CEACAM1: variants seen among roughly 807,000 people sequenced by gnomAD.
The protein encoded by CEACAM1 is cell adhesion molecule CEACAM1.
In CEACAM1, 31 loss-of-function variants were observed where a neutral mutation model predicts 49.1. The ratio of observed to expected loss-of-function variants is 0.63; its 90% CI spans 0.47 to 0.85. The LOEUF (loss-of-function observed/expected upper bound fraction) is 0.85. Among genes scored for constraint, CEACAM1 ranks in the 40% least tolerant of loss-of-function variants. The pLI is 0.00. For missense variants in CEACAM1, 570 were observed against 645.3 expected, an observed-to-expected ratio of 0.88 and a Z score of 1.26; for synonymous variants, 244 against 247.8, an observed-to-expected ratio of 0.98 and a Z score of 0.14.
At chr19:42,518,352 G>A (rs1253467820) in intron 5 of CEACAM1, among the ~76,000 whole-genome samples, 3 of 151,930 alleles carry the variant, frequency 2.0e-5, no homozygotes, top group South Asian at 2.1e-4. Flanking sequence ...GGATTGAGGC[G>A]GGAGTGAGCT....
chr19:42,523,552 C>T (rs1302064989), intron 2 of CEACAM1, among the ~76,000 whole-genome samples: 5 of 152,220 alleles, frequency 3.3e-5, no homozygotes, highest in Admixed American at 1.3e-4. Context: ...CTGAAAAGAG[C>T]AGATGATGAC....
At chr19:42,519,811 C>T (rs2041698706) in intron 4 of CEACAM1, among the ~76,000 whole-genome samples, 1 of 152,142 alleles carries the variant, frequency 6.6e-6, no homozygotes, top group African/African-American at 2.4e-5. Context: ...CCTCATGATC[C>T]ACCCGCCTCA....
chr19:42,523,474 CA>C (rs1195790640), intron 2 of CEACAM1, among the ~76,000 whole-genome samples: 1 of 152,208 alleles, frequency 6.6e-6, no homozygotes, highest in Admixed American at 6.5e-5. Flanking sequence ...GGGTGACAGG[CA>C]GGGGCTGCCT....
chr19:42,509,849 A>T (rs2041413327), intron 8 of CEACAM1, among the ~76,000 whole-genome samples: 1 of 151,832 alleles, frequency 6.6e-6, no homozygotes, highest in Non-Finnish European at 1.5e-5. Context: ...CTGGTTTAGA[A>T]CTCCTGACTT....
intron 2 of CEACAM1, among the ~76,000 whole-genome samples, chr19:42,525,180 A>G (rs2147807062): frequency 6.6e-6 from 1 of 151,362 alleles, no homozygotes; most frequent in East Asian, 1.9e-4. Flanking sequence ...CAGGATTTCA[A>G]GTCCAGGGAG....
chr19:42,521,868 T>C lies in CEACAM1; in HGVS notation c.703+56A>G, dbSNP rs1418224354. 13 of 1,613,210 alleles carry C rather than the reference T, an allele frequency of 8.1e-6. No homozygotes were observed. In the Admixed American group the frequency reaches 2.2e-4, roughly 27 times the overall value. ...GAGAGGGACTGAGAGGCCTGGCCTC[T>C]GGCTGCGTGGATTTGGGCTGGCAGC... is the stretch of plus-strand genomic sequence containing the variant. On this transcript the variant is annotated intron_variant, in intron 3 of 8. Transcript: ENST00000161559.
At chr19:42,516,858 C>T (rs567795360) in intron 5 of CEACAM1, 40 of 420,186 alleles carry the variant, frequency 9.5e-5, no homozygotes, top group African/African-American at 6.7e-4. Flanking sequence ...CATGGTGAAA[C>T]GCCATCTCTA....
In CEACAM1 at chr19:42,509,248, A is replaced by G. The variant is rs374751131; in HGVS notation, c.1462-20T>C. 31 of 1,593,824 alleles carry G rather than the reference A, an allele frequency of 1.9e-5. No homozygotes were observed. The highest frequency in any genetic ancestry group is 1.7e-4 in the Middle Eastern group (1 of 5,972). Reference sequence around the variant, plus strand: ...ATTCATCTGAAAAGCACAAATAATGATCAGTTAAGTCAGTGACACAGGGCA... The same window carrying G: ...ATTCATCTGAAAAGCACAAATAATGGTCAGTTAAGTCAGTGACACAGGGCA... On this transcript the variant is annotated intron_variant, in intron 8 of 8. Transcript: ENST00000161559.
chr19:42,517,570 G>T (rs189353249), intron 5 of CEACAM1, among the ~76,000 whole-genome samples: 2 of 152,182 alleles, frequency 1.3e-5, no homozygotes, highest in African/African-American at 4.8e-5. Context: ...CACATGAAAA[G>T]ATGCTAAATA....
In CEACAM1 at chr19:42,528,475, C is replaced by T. The variant is rs759765522; in HGVS notation, c.-101G>A. The T allele has an allele frequency of 8.7e-7, 1 of 1,148,000 alleles. No homozygotes were observed. The highest frequency in any genetic ancestry group is 1.3e-6 in the Non-Finnish European group (1 of 775,444). 71.1% of individuals were successfully genotyped at this position (1,148,000 alleles called of 1,614,324 possible). ...TGTCACCTCTGCTGTTTTCCACTCT[C>T]TGTGCTGAGCCTCCTCCCTGGGGCC... On this transcript the variant is annotated 5_prime_UTR_variant, in exon 1 of 9. Coordinates refer to ENST00000161559, the MANE Select transcript of CEACAM1 (RefSeq NM_001712.5).
At chr19:42,527,997 T>G (rs1437891419) in intron 1 of CEACAM1, among the ~76,000 whole-genome samples, 2 of 152,228 alleles carry the variant, frequency 1.3e-5, no homozygotes, top group African/African-American at 4.8e-5. Flanking sequence ...AGGGCTCTGT[T>G]TAATGCCCCT....
intron 8 of CEACAM1, 44 bp downstream of exon 8, chr19:42,510,845 C>A (rs751232014): frequency 1.9e-6 from 3 of 1,553,246 alleles, no homozygotes; most frequent in Admixed American, 1.7e-5. Context: ...TACACAGAAT[C>A]ATTTCCATGA....
In CEACAM1 at chr19:42,519,023, C is replaced by T. The variant is rs1166292796; in HGVS notation, c.1171G>A (p.Ala391Thr). The change falls in exon 5 of 9, where the codon GCT (alanine) becomes ACT (threonine). Residue 391 changes from alanine to threonine, a missense_variant. Ala to Thr is a moderately conservative substitution (Grantham distance 58, BLOSUM62 0). Coordinates refer to ENST00000161559, the MANE Select transcript of CEACAM1 (RefSeq NM_001712.5). The stretch of plus-strand genomic sequence containing the variant: ...AAGACCTCACACCAATACGTCCCAG[C>T]ATCCTCCCTCTTGACAGGGTTTATG... Reference protein sequence around the residue: ...LSINPVKREDAGTYWCEVFNP... With the variant: ...LSINPVKREDTGTYWCEVFNP... 4 of 1,614,076 alleles carry T rather than the reference C, an allele frequency of 2.5e-6. No homozygotes were observed. The highest frequency in any genetic ancestry group is 1.6e-4 in the Middle Eastern group (1 of 6,082).
At chr19:42,511,840 T>C (rs2041463752) in intron 6 of CEACAM1, among the ~76,000 whole-genome samples, 1 of 152,228 alleles carries the variant, frequency 6.6e-6, no homozygotes. Context: ...ATTTCATTCT[T>C]TATCAGCTGC....
intron 6 of CEACAM1, 55 bp from the exon 7 acceptor site, chr19:42,511,683 C>T (rs948297964): frequency 2.2e-5 from 35 of 1,560,682 alleles, no homozygotes; most frequent in African/African-American, 2.2e-4. Context: ...ATCTTTGTTC[C>T]GTAAGTTAGG....
Position 42,508,828 on chromosome 19 carries a change from G to A in CEACAM1, c.*281C>T, listed in dbSNP as rs2041386656. The A allele has an allele frequency of 2.6e-6, 1 of 382,804 alleles. No homozygotes were observed. Among genetic ancestry groups the A allele is most frequent in the Non-Finnish European group, 4.8e-6 (1 of 207,304 alleles). 23.7% of individuals were successfully genotyped at this position (382,804 alleles called of 1,614,324 possible). A position where few individuals can be genotyped will look rare whatever the true frequency, so the allele number is the denominator to read the frequency against. On this transcript the variant is annotated 3_prime_UTR_variant, in exon 9 of 9. Transcript: ENST00000161559. ...AAACAAGTCCAGGTTGGGAAAAGGGGAAGGGAGGGGAAGTTCTGGTCCCTC... is the reference window on the plus strand; with the variant it reads ...AAACAAGTCCAGGTTGGGAAAAGGGAAAGGGAGGGGAAGTTCTGGTCCCTC...
At chr19:42,514,421 A>G (rs1370672674) in intron 5 of CEACAM1, among the ~76,000 whole-genome samples, 2 of 152,014 alleles carry the variant, frequency 1.3e-5, no homozygotes, top group East Asian at 3.9e-4. Context: ...GTGAGCCACC[A>G]CGCCCACCCA....
rs1733576351 is a variant in CEACAM1 at position 42,528,346 on chromosome 19, C to G, written c.29G>C (p.Arg10Thr). Residue 10 changes from arginine to threonine, a missense_variant, in exon 1 of 9, where the codon AGA (arginine) becomes ACA (threonine). By Grantham distance (71) the Arg-to-Thr change is moderately conservative. Transcript: ENST00000161559. MGHLSAPLH[R>T]VRVPWQGLLL... The stretch of plus-strand genomic sequence containing the variant: ...AAGCCCCTGCCAGGGTACACGCACT[C>G]TGTGAAGTGGGGCTGAGAGGTGCCC... 1.2e-6 allele frequency: 2 copies of G among 1,613,862 alleles called. No homozygotes were observed. The highest frequency in any genetic ancestry group is 1.7e-5 in the Admixed American group (1 of 59,968).
chr19:42,514,889 G>A, intron 5 of CEACAM1: 1 of 535,038 alleles, frequency 1.9e-6, no homozygotes, highest in East Asian at 3.3e-5. Context: ...AATGATAATA[G>A]TAGTAGTAAT....
Sources: allele counts gnomAD v4.1 joint callset (sites outside exome capture counted in the v4.1 genomes callset), GRCh38; gene constraint gnomAD v4.1.1; transcripts MANE v1.5; gene names NCBI Gene and HGNC (gene_info 2026-07-23, HGNC 2026-07-21).